Variants in TMEM232 observed in about 807,000 individuals in gnomAD.
The protein encoded by TMEM232 is transmembrane protein 232.
In TMEM232, 80 loss-of-function variants were observed where a neutral mutation model predicts 78.8. The ratio of observed to expected loss-of-function variants is 1.01; its 90% CI spans 0.85 to 1.22. The LOEUF (loss-of-function observed/expected upper bound fraction) is 1.22, where lower values mean the gene tolerates loss of function less well. Among genes scored for constraint, TMEM232 ranks in the 50% most tolerant of loss-of-function variants. TMEM232 has a pLI of 0.00. For missense variants in TMEM232, 881 were observed against 742.2 expected (o/e 1.19, Z -2.17); for synonymous variants, 297 against 254.3 (o/e 1.17, Z -1.60).
At chr5:110,637,723 T>C (rs1052413424) in intron 5 of TMEM232, among the ~76,000 whole-genome samples, 4 of 152,116 alleles carry the variant, frequency 2.6e-5, no homozygotes, top group South Asian at 2.1e-4. Flanking sequence ...AGTGAAACAA[T>C]ATGATCTCAA....
At chr5:110,722,515 G>C (rs1232133494) in intron 1 of TMEM232, among the ~76,000 whole-genome samples, 6 of 152,152 alleles carry the variant, frequency 3.9e-5, no homozygotes, top group Non-Finnish European at 7.4e-5. Context: ...GTTGTAGCAG[G>C]CCTCAGTTCC....
chr5:110,535,684 T>G (rs1240428026), intron 11 of TMEM232, among the ~76,000 whole-genome samples: 3 of 152,164 alleles, frequency 2.0e-5, no homozygotes, highest in African/African-American at 7.2e-5. Context: ...TGGTGAACTC[T>G]GGAATTACTA....
rs1348809930 is a variant in TMEM232, at chr5:110,523,953, T to A, written c.1703+4635A>T. Among the ~76,000 whole-genome samples, 12 of 70,842 alleles carry A rather than the reference T, an allele frequency of 1.7e-4. No individual in the cohort carries two copies. In the East Asian group the frequency reaches 5.3e-3, roughly 31 times the overall value. The allele number at this position is 70,842 out of a possible 152,430, so 46.5% of individuals were successfully genotyped here. A position where few individuals can be genotyped will look rare whatever the true frequency, so the allele number is the denominator to read the frequency against. The stretch of plus-strand genomic sequence containing the variant: ...TAGCCTGGGTGACAAAGACTTGGTT[T>A]AAAAAAAAAAAAAGGGGGGGGGGCG... On this transcript the variant is annotated intron_variant, in intron 12 of 13. Transcript: ENST00000455884.
intron 5 of TMEM232, among the ~76,000 whole-genome samples, chr5:110,387,587 G>A (rs1270130891): frequency 6.6e-6 from 1 of 151,818 alleles, no homozygotes; most frequent in Non-Finnish European, 1.5e-5. Context: ...AGTCAATGGT[G>A]ATTTTATTTA....
intron 11 of TMEM232, among the ~76,000 whole-genome samples, chr5:110,540,082 A>G (rs1772909734): frequency 6.6e-6 from 1 of 152,204 alleles, no homozygotes; most frequent in African/African-American, 2.4e-5. Context: ...TTGCCAAGTT[A>G]AAAATAGGCT....
chr5:110,724,129 G>A (rs1580800400), intron 1 of TMEM232, among the ~76,000 whole-genome samples: 1 of 152,272 alleles, frequency 6.6e-6, no homozygotes, highest in South Asian at 2.1e-4. Context: ...TAAGCCTTCT[G>A]GGATGTAATA....
intron 10 of TMEM232, among the ~76,000 whole-genome samples, chr5:110,585,927 A>T (rs888653942): frequency 2.0e-5 from 3 of 152,184 alleles, no homozygotes; most frequent in Admixed American, 6.6e-5. Context: ...AACTCATCCC[A>T]AACTAGTCAC....
intron 4 of TMEM232, among the ~76,000 whole-genome samples, 196 bp downstream of exon 4, chr5:110,640,695 T>C (rs981220538): frequency 3.9e-5 from 6 of 152,150 alleles, no homozygotes; most frequent in African/African-American, 1.4e-4. Context: ...TTTAAAATAG[T>C]TTTATCACTA....
rs551498588 is a variant in TMEM232 at position 110,563,072 on chromosome 5, T to A, written c.1455+5375A>T. Reference sequence around the variant, plus strand: ...TAACTGCTTTTAGAAATTTCTGATTTAGATTTGTCTTGAGAAAAGCTAACT... The same window carrying A: ...TAACTGCTTTTAGAAATTTCTGATTAAGATTTGTCTTGAGAAAAGCTAACT... On this transcript the variant is annotated intron_variant, in intron 11 of 13. Coordinates refer to ENST00000455884, the MANE Select transcript of TMEM232 (RefSeq NM_001039763.4). 3.9e-5 allele frequency among the ~76,000 whole-genome samples: 6 copies of A among 152,134 alleles called. No homozygotes were observed. The South Asian group carries it at 1.0e-3, about 26-fold the overall frequency.
chr5:110,699,936 C>A (rs1289796654), intron 1 of TMEM232, among the ~76,000 whole-genome samples: 1 of 152,052 alleles, frequency 6.6e-6, no homozygotes, highest in East Asian at 1.9e-4. Flanking sequence ...GTAGGTGTCA[C>A]TAAGAAATTC....
Position 110,594,189 on chromosome 5 carries a change from G to A in TMEM232, c.1276+10920C>T, listed in dbSNP as rs114533342. Among the ~76,000 whole-genome samples, 1,128 of 151,930 alleles carry A rather than the reference G, an allele frequency of 7.4e-3. 14 individuals carry two copies. The highest frequency in any genetic ancestry group is 0.025 in the African/African-American group (1,047 of 41,430). On this transcript the variant is annotated intron_variant, in intron 10 of 13. Coordinates refer to ENST00000455884, the MANE Select transcript of TMEM232 (RefSeq NM_001039763.4). ...AGCATGGTGGGGCATTGCCTCACCCGGGAAGAGCAATGGGCTGGGGAACTA... is the reference window on the plus strand; with the variant it reads ...AGCATGGTGGGGCATTGCCTCACCCAGGAAGAGCAATGGGCTGGGGAACTA...
At chr5:110,493,843 A>G (rs1196133725) in intron 12 of TMEM232, among the ~76,000 whole-genome samples, 2 of 151,872 alleles carry the variant, frequency 1.3e-5, no homozygotes, top group Non-Finnish European at 2.9e-5. Context: ...CAGGTTTGTT[A>G]CATAGGTATA....
At chr5:110,534,986 G>A (rs1025149967) in intron 11 of TMEM232, among the ~76,000 whole-genome samples, 12 of 151,592 alleles carry the variant, frequency 7.9e-5, no homozygotes, top group African/African-American at 2.4e-4. Context: ...TTCCCACACC[G>A]CCCCTAATCC....
intron 12 of TMEM232, among the ~76,000 whole-genome samples, chr5:110,458,234 C>G (rs1428650897): frequency 6.6e-6 from 1 of 151,786 alleles, no homozygotes; most frequent in Non-Finnish European, 1.5e-5. Flanking sequence ...CCTCCTTCTT[C>G]CTTTGCGCAA....
At chr5:110,387,779 C>G (rs1479764212) in exon 5 of TMEM232, 1 of 152,184 alleles carries the variant, frequency 6.6e-6, no homozygotes, top group African/African-American at 2.4e-5. Context: ...TCTCATTGAG[C>G]TCTCATTCAC....
intron 2 of TMEM232, among the ~76,000 whole-genome samples, chr5:110,399,683 G>A (rs1755522391): frequency 6.6e-6 from 1 of 152,052 alleles, no homozygotes; most frequent in East Asian, 1.9e-4. Context: ...TGGGAAGATA[G>A]GTTCTGAAGC....
chr5:110,395,816 G>A (rs77734751), intron 3 of TMEM232, among the ~76,000 whole-genome samples: 7,997 of 152,112 alleles, frequency 0.053, 436 homozygotes, highest in East Asian at 0.22. Context: ...TGCAACTTCC[G>A]CAAATGTCTT....
At chr5:110,710,691 T>C (rs1438139691) in intron 1 of TMEM232, among the ~76,000 whole-genome samples, 2 of 151,946 alleles carry the variant, frequency 1.3e-5, no homozygotes, top group African/African-American at 2.4e-5. Flanking sequence ...ATCAACATCC[T>C]TTTATGATAA....
At chr5:110,532,044 G>T (rs899470379) in intron 11 of TMEM232, among the ~76,000 whole-genome samples, 1 of 152,060 alleles carries the variant, frequency 6.6e-6, no homozygotes. Flanking sequence ...CAGCACACAA[G>T]AACTTCCAAA....
Sources: allele counts gnomAD v4.1 joint callset (sites outside exome capture counted in the v4.1 genomes callset), GRCh38; gene constraint gnomAD v4.1.1; transcripts MANE v1.5; gene names NCBI Gene and HGNC (gene_info 2026-07-23, HGNC 2026-07-21).